Variants in CTNNA2 observed in about 807,000 individuals in gnomAD.
The protein encoded by CTNNA2 is catenin alpha-2.
CTNNA2 carries 42 observed loss-of-function variants against 101.0 expected under a neutral mutation model. The observed-to-expected ratio is 0.42, with a 90% CI of 0.32 to 0.54. The LOEUF is 0.54. CTNNA2 is among the 20% of genes least tolerant of loss of function. The probability of loss-of-function intolerance (pLI) is 0.14; values close to 1 mark genes in which losing one functional copy is unlikely to be tolerated. For missense variants in CTNNA2, 871 were observed against 1,223.1 expected, an observed-to-expected ratio of 0.71 and a Z score of 4.29; for synonymous variants, 450 against 456.4, an observed-to-expected ratio of 0.99 and a Z score of 0.18.
At chr2:79,366,867 G>C (rs1204917737) in intron 3 of CTNNA2, among the ~76,000 whole-genome samples, 4 of 152,314 alleles carry the variant, frequency 2.6e-5, no homozygotes, top group Admixed American at 1.3e-4. Flanking sequence ...ATAAGAAAAA[G>C]TGTTGGGTGA....
At chr2:80,456,049 T>C (rs1247214744) in intron 9 of CTNNA2, among the ~76,000 whole-genome samples, 4 of 152,190 alleles carry the variant, frequency 2.6e-5, no homozygotes, top group African/African-American at 9.6e-5. Flanking sequence ...TCCTTATTTG[T>C]ACCATAATTT....
intron 4 of CTNNA2, among the ~76,000 whole-genome samples, chr2:79,476,335 G>A (rs951775860): frequency 1.3e-5 from 2 of 152,180 alleles, no homozygotes; most frequent in African/African-American, 4.8e-5. Flanking sequence ...GAGACCCACA[G>A]AAGAAACAGA....
chr2:79,803,591 G>A (rs1048760416), intron 3 of CTNNA2, among the ~76,000 whole-genome samples: 3 of 152,254 alleles, frequency 2.0e-5, no homozygotes, highest in African/African-American at 7.2e-5. Context: ...GGCGGGCCAG[G>A]TGTTCCTTGC....
chr2:80,029,823 C>T (rs1275072515), intron 7 of CTNNA2, among the ~76,000 whole-genome samples: 1 of 152,024 alleles, frequency 6.6e-6, no homozygotes, highest in Non-Finnish European at 1.5e-5. Flanking sequence ...AACATAAAAA[C>T]ACACTAAAGC....
At chr2:80,530,773 C>G (rs992353146) in intron 9 of CTNNA2, among the ~76,000 whole-genome samples, 3 of 152,166 alleles carry the variant, frequency 2.0e-5, no homozygotes, top group Non-Finnish European at 4.4e-5. Flanking sequence ...TTTTTTCCCT[C>G]TCTGATGACT....
chr2:79,932,399 C>A (rs1218884217), intron 7 of CTNNA2, among the ~76,000 whole-genome samples: 5 of 151,906 alleles, frequency 3.3e-5, no homozygotes. Flanking sequence ...TATGTGAAAT[C>A]ATAGTTTAAA....
chr2:79,192,944 C>T (rs1673894558), intron 1 of CTNNA2, among the ~76,000 whole-genome samples: 1 of 152,124 alleles, frequency 6.6e-6, no homozygotes, highest in Non-Finnish European at 1.5e-5. Context: ...ATTCTGTTTA[C>T]TCCTACCCAA....
intron 1 of CTNNA2, among the ~76,000 whole-genome samples, chr2:79,636,010 C>G (rs985580468): frequency 6.7e-6 from 1 of 150,250 alleles, no homozygotes; most frequent in Non-Finnish European, 1.5e-5. Flanking sequence ...GCCTGTCATC[C>G]CAGCACTTTG....
intron 18 of CTNNA2, among the ~76,000 whole-genome samples, chr2:80,637,009 A>G (rs1672958562): frequency 6.6e-6 from 1 of 152,142 alleles, no homozygotes; most frequent in Non-Finnish European, 1.5e-5. Context: ...TAAAACTGTA[A>G]TATTCAGGCA....
intron 1 of CTNNA2, among the ~76,000 whole-genome samples, chr2:79,585,542 G>A (rs1490137373): frequency 1.3e-5 from 2 of 151,982 alleles, no homozygotes; most frequent in Non-Finnish European, 2.9e-5. Context: ...ACATAAGATT[G>A]GTTTAATATA....
intron 7 of CTNNA2, among the ~76,000 whole-genome samples, chr2:80,238,131 G>A (rs1218769222): frequency 6.6e-6 from 1 of 152,154 alleles, no homozygotes; most frequent in Non-Finnish European, 1.5e-5. Flanking sequence ...GTTCTGGACT[G>A]TAATAGTGCA....
rs562287997 is a variant in CTNNA2, at chr2:79,939,250, G to A, written c.1056+29453G>A. ...TTGAGTGCCTGATTGTGTAGACATG[G>A]GTAGCTGAAGTAGCTTGTAGCATCT... On this transcript the variant is annotated intron_variant, in intron 7 of 18. Coordinates refer to ENST00000402739, the MANE Select transcript of CTNNA2 (RefSeq NM_001282597.3). Among the ~76,000 whole-genome samples, 643 of 152,268 alleles carry A rather than the reference G, an allele frequency of 4.2e-3. 2 individuals carry two copies. Among genetic ancestry groups the A allele is most frequent in the African/African-American group, 0.015 (613 of 41,544 alleles).
intron 9 of CTNNA2, among the ~76,000 whole-genome samples, chr2:80,468,117 C>A (rs188105500): frequency 6.6e-6 from 1 of 152,104 alleles, no homozygotes; most frequent in Non-Finnish European, 1.5e-5. Context: ...AACCTGTGGC[C>A]TATTCTTTTG....
chr2:80,521,873 A>G (rs1307965520), intron 9 of CTNNA2, among the ~76,000 whole-genome samples: 2 of 152,240 alleles, frequency 1.3e-5, no homozygotes, highest in Non-Finnish European at 2.9e-5. Context: ...AACACACTAA[A>G]TAACTAAATC....
chr2:79,512,909 C>T (rs1157386519), upstream of CTNNA2: 1 of 151,400 alleles, frequency 6.6e-6, no homozygotes, highest in Non-Finnish European at 1.5e-5. Flanking sequence ...AGCAAGCGGC[C>T]GCGCATGCGC....
chr2:79,195,877 A>T (rs1351252668), intron 1 of CTNNA2: 3 of 504,542 alleles, frequency 5.9e-6, no homozygotes, highest in South Asian at 4.4e-5. Context: ...AAAGGTAAAT[A>T]AGAAATTAGG....
intron 8 of CTNNA2, among the ~76,000 whole-genome samples, chr2:80,395,796 C>A (rs1410778127): frequency 6.6e-6 from 1 of 152,188 alleles, no homozygotes; most frequent in African/African-American, 2.4e-5. Flanking sequence ...CCTCAGTGAT[C>A]ATGTCCACTT....
chr2:79,963,907 CTATT>C (rs1260060853), intron 7 of CTNNA2, among the ~76,000 whole-genome samples: 1 of 152,164 alleles, frequency 6.6e-6, no homozygotes, highest in Non-Finnish European at 1.5e-5. Flanking sequence ...AGCCATGTTT[CTATT>C]TCTGTATCTA....
At chr2:79,605,919 ACT>A (rs1372380807) in intron 1 of CTNNA2, among the ~76,000 whole-genome samples, 1 of 152,058 alleles carries the variant, frequency 6.6e-6, no homozygotes, top group Non-Finnish European at 1.5e-5. Context: ...ACAGGGTGAG[ACT>A]CTGTCTCAAT....
Sources: gnomAD v4.1 joint callset for allele counts (sites outside exome capture counted in the v4.1 genomes callset) on GRCh38, gnomAD v4.1.1 for gene constraint, MANE v1.5 for transcripts, NCBI Gene and HGNC (gene_info 2026-07-23, HGNC 2026-07-21) for gene names.